Variants in CSTPP1 observed in about 807,000 individuals in gnomAD.
The protein encoded by CSTPP1 is centriolar satellite-associated tubulin polyglutamylase complex regulator 1, also known as UPF0705 protein C11orf49.
chr11:47,107,066 T>C, the CSTPP1 span, among the ~76,000 whole-genome samples: 6 of 152,050 alleles, frequency 3.9e-5, no homozygotes, highest in East Asian at 1.9e-4. Flanking sequence ...CAGGGGCAAA[T>C]TGCATGCAGG....
chr11:46,947,892 C>CT, the CSTPP1 span: 4 of 360,562 alleles, frequency 1.1e-5, no homozygotes, highest in Non-Finnish European at 1.6e-5. Context: ...ACAGAGGCAT[C>CT]TGGCGGGGAT....
At chr11:47,068,353 G>A in the CSTPP1 span, among the ~76,000 whole-genome samples, 1 of 152,026 alleles carries the variant, frequency 6.6e-6, no homozygotes, top group Non-Finnish European at 1.5e-5. Flanking sequence ...CCAACATGGT[G>A]AAACCCTGTC....
chr11:47,082,261 A>C, the CSTPP1 span, among the ~76,000 whole-genome samples: 2 of 151,926 alleles, frequency 1.3e-5, no homozygotes, highest in African/African-American at 4.8e-5. Context: ...GCTGATAAAA[A>C]AAAACCTGGA....
the CSTPP1 span, among the ~76,000 whole-genome samples, chr11:47,125,229 T>C: frequency 6.6e-6 from 1 of 152,270 alleles, no homozygotes; most frequent in Non-Finnish European, 1.5e-5. Flanking sequence ...GTCTTCTTTC[T>C]GGTTCTTGCT....
chr11:47,007,964 A>AT, the CSTPP1 span, among the ~76,000 whole-genome samples: 23 of 148,444 alleles, frequency 1.5e-4, no homozygotes, highest in Admixed American at 2.0e-4. Context: ...CCTGAACTCT[A>AT]TTTTTTTTTT....
the CSTPP1 span, among the ~76,000 whole-genome samples, chr11:47,031,487 T>C: frequency 1.3e-5 from 2 of 152,004 alleles, no homozygotes; most frequent in South Asian, 2.1e-4. Flanking sequence ...AGCTCAGGAG[T>C]TTGAGACCAG....
chr11:47,118,006 A>G, the CSTPP1 span, among the ~76,000 whole-genome samples: 1 of 148,138 alleles, frequency 6.8e-6, no homozygotes, highest in South Asian at 2.1e-4. Flanking sequence ...CAGCCTCTTG[A>G]GTAGCTGGGA....
At chr11:46,989,331 CTG>C in the CSTPP1 span, among the ~76,000 whole-genome samples, 4 of 151,790 alleles carry the variant, frequency 2.6e-5, no homozygotes, top group Non-Finnish European at 4.4e-5. Flanking sequence ...GAATTTTACT[CTG>C]TTGTTAAGGC....
the CSTPP1 span, chr11:47,137,969 G>T: frequency 1.8e-6 from 1 of 567,298 alleles, no homozygotes; most frequent in Non-Finnish European, 3.1e-6. Context: ...GTTGGAGGGT[G>T]GTGAGATGAA....
chr11:47,159,160 G>A, the CSTPP1 span, among the ~76,000 whole-genome samples: 235 of 152,334 alleles, frequency 1.5e-3, no homozygotes, highest in African/African-American at 5.3e-3. Flanking sequence ...CAGGTCTGGG[G>A]AGCCCTCAAC....
chr11:47,085,892 T>C, the CSTPP1 span, among the ~76,000 whole-genome samples: 1 of 145,426 alleles, frequency 6.9e-6, no homozygotes, highest in African/African-American at 2.6e-5. Flanking sequence ...AAAAAAAAGA[T>C]ACTGAGGACT....
At chr11:46,987,069 A>G in the CSTPP1 span, 2 of 743,002 alleles carry the variant, frequency 2.7e-6, no homozygotes, top group East Asian at 2.5e-5. Flanking sequence ...TGCTTTGCCT[A>G]TTCCAGTCCA....
chr11:46,945,723 A>G, the CSTPP1 span, among the ~76,000 whole-genome samples: 2 of 152,126 alleles, frequency 1.3e-5, no homozygotes, highest in Admixed American at 1.3e-4. Context: ...TCCTCCCTGA[A>G]TACCTTCTCT....
chr11:46,976,826 T>C, the CSTPP1 span, among the ~76,000 whole-genome samples: 1 of 151,960 alleles, frequency 6.6e-6, no homozygotes, highest in Non-Finnish European at 1.5e-5. Flanking sequence ...AACCCGAATC[T>C]ACGAGAAGTT....
At chr11:47,143,812 G>T in the CSTPP1 span, among the ~76,000 whole-genome samples, 1 of 152,204 alleles carries the variant, frequency 6.6e-6, no homozygotes, top group African/African-American at 2.4e-5. Flanking sequence ...CTTGAGAAAG[G>T]TATTTAATTT....
At chr11:47,122,063 C>T in the CSTPP1 span, among the ~76,000 whole-genome samples, 7 of 50,504 alleles carry the variant, frequency 1.4e-4, no homozygotes, top group African/African-American at 7.0e-4. Flanking sequence ...GAGCAAGACC[C>T]TGTCTCAAAA....
At chr11:47,152,582 C>T in the CSTPP1 span, among the ~76,000 whole-genome samples, 1 of 152,184 alleles carries the variant, frequency 6.6e-6, no homozygotes, top group South Asian at 2.1e-4. Context: ...CCGAGGCAGG[C>T]TCTGGAATGG....
chr11:47,146,971 G>A, the CSTPP1 span, among the ~76,000 whole-genome samples: 2,205 of 152,278 alleles, frequency 0.014, 55 homozygotes, highest in African/African-American at 0.05. Context: ...ATTTGCATGA[G>A]TTAATTATAG....
chr11:46,993,514 A>C, the CSTPP1 span, among the ~76,000 whole-genome samples: 7 of 151,190 alleles, frequency 4.6e-5, no homozygotes, highest in African/African-American at 1.7e-4. Flanking sequence ...GTTTTCCCAG[A>C]ACCATTTATT....
Sources: gnomAD v4.1 joint callset for allele counts (sites outside exome capture counted in the v4.1 genomes callset) on GRCh38, gnomAD v4.1.1 for gene constraint, MANE v1.5 for transcripts, NCBI Gene and HGNC (gene_info 2026-07-23, HGNC 2026-07-21) for gene names.